Variants in PRELID2 observed in about 807,000 individuals in gnomAD.
PRELID2 encodes PRELI domain-containing protein 2.
Under a neutral mutation model 28.4 loss-of-function variants are expected in PRELID2, and 25 were observed. The observed-to-expected ratio is 0.88, with a 90% confidence interval of 0.64 to 1.23. The LOEUF is 1.23. PRELID2 is among the 50% of genes most tolerant of loss of function. The probability of loss-of-function intolerance (pLI) is 0.00; values close to 1 mark genes in which losing one functional copy is unlikely to be tolerated. For missense variants in PRELID2, 201 were observed against 214.4 expected (o/e 0.94, Z 0.39); for synonymous variants, 76 against 71.6 (o/e 1.06, Z -0.31).
intron 1 of PRELID2, among the ~76,000 whole-genome samples, chr5:145,649,504 A>T (rs759143830): frequency 1.3e-5 from 2 of 152,148 alleles, no homozygotes; most frequent in Non-Finnish European, 2.9e-5. Flanking sequence ...ACCCATTTTT[A>T]ATTTATGATA....
chr5:145,302,372 A>G, the PRELID2 span, among the ~76,000 whole-genome samples: 1 of 151,908 alleles, frequency 6.6e-6, no homozygotes, highest in African/African-American at 2.4e-5. Context: ...TCCTGACCTC[A>G]AGTGATCTGC....
chr5:145,686,795 T>A (rs1483335411), intron 1 of PRELID2, among the ~76,000 whole-genome samples: 1 of 152,178 alleles, frequency 6.6e-6, no homozygotes, highest in East Asian at 1.9e-4. Flanking sequence ...GGGTAAATTA[T>A]AGATTAGCTG....
the PRELID2 span, among the ~76,000 whole-genome samples, chr5:145,358,406 G>T: frequency 3.9e-5 from 6 of 151,976 alleles, no homozygotes; most frequent in Non-Finnish European, 7.4e-5. Flanking sequence ...TGCCAGCAGT[G>T]GGGGTGGCTG....
At chr5:145,621,669 G>A (rs1366754919) in intron 1 of PRELID2, among the ~76,000 whole-genome samples, 1 of 152,156 alleles carries the variant, frequency 6.6e-6, no homozygotes, top group Non-Finnish European at 1.5e-5. Flanking sequence ...CAGTAGAATT[G>A]TAGCTATTAG....
chr5:145,508,979 T>G (rs1752438686), intron 1 of PRELID2, among the ~76,000 whole-genome samples: 1 of 152,198 alleles, frequency 6.6e-6, no homozygotes, highest in African/African-American at 2.4e-5. Flanking sequence ...GAGTCCAAAT[T>G]CATAATCATA....
the PRELID2 span, among the ~76,000 whole-genome samples, chr5:145,327,785 AATT>A: frequency 6.6e-6 from 1 of 151,872 alleles, no homozygotes; most frequent in Non-Finnish European, 1.5e-5. Context: ...GGTTTTAAAA[AATT>A]ATTATTTTTT....
the PRELID2 span, among the ~76,000 whole-genome samples, chr5:145,284,111 G>A: frequency 6.6e-6 from 1 of 152,086 alleles, no homozygotes; most frequent in Non-Finnish European, 1.5e-5. Flanking sequence ...ATAAAATGGG[G>A]ATAATAATAA....
the PRELID2 span, among the ~76,000 whole-genome samples, chr5:145,232,007 C>T: frequency 9.2e-5 from 14 of 152,022 alleles, no homozygotes; most frequent in Admixed American, 7.9e-4. Flanking sequence ...CTTGCACACA[C>T]GCTCACTCAT....
chr5:145,425,939 C>T, the PRELID2 span, among the ~76,000 whole-genome samples: 5 of 152,150 alleles, frequency 3.3e-5, no homozygotes, highest in African/African-American at 1.2e-4. Flanking sequence ...GAGGTAGAAA[C>T]ACAAGGCACC....
intron 1 of PRELID2, among the ~76,000 whole-genome samples, chr5:145,710,900 G>C (rs1185345979): frequency 6.6e-6 from 1 of 152,242 alleles, no homozygotes; most frequent in Non-Finnish European, 1.5e-5. Flanking sequence ...TTGAGGAACA[G>C]AGAATTTATT....
intron 1 of PRELID2, among the ~76,000 whole-genome samples, chr5:145,579,292 A>G (rs1240714464): frequency 6.6e-6 from 1 of 152,136 alleles, no homozygotes; most frequent in African/African-American, 2.4e-5. Flanking sequence ...ATTCATACAT[A>G]TAATTCTTGT....
chr5:145,420,442 C>T, the PRELID2 span, among the ~76,000 whole-genome samples: 1 of 149,972 alleles, frequency 6.7e-6, no homozygotes, highest in African/African-American at 2.4e-5. Context: ...TGAAGAGGTC[C>T]TTCACATCCC....
the PRELID2 span, among the ~76,000 whole-genome samples, chr5:145,365,144 T>G: frequency 6.6e-6 from 1 of 151,878 alleles, no homozygotes; most frequent in African/African-American, 2.4e-5. Flanking sequence ...GAGATGTTGA[T>G]CAAAGGGTAC....
chr5:145,514,802 A>T (rs1014584927), intron 1 of PRELID2, among the ~76,000 whole-genome samples: 1 of 152,184 alleles, frequency 6.6e-6, no homozygotes, highest in African/African-American at 2.4e-5. Flanking sequence ...AATCATAACA[A>T]ACAGTCTTAG....
chr5:145,711,960 C>A (rs1388663201), intron 1 of PRELID2, among the ~76,000 whole-genome samples: 3 of 152,152 alleles, frequency 2.0e-5, no homozygotes, highest in Non-Finnish European at 4.4e-5. Flanking sequence ...AGCTGCACTA[C>A]AAAACACAAA....
chr5:145,474,944 T>G (rs1431762045), intron 1 of PRELID2, among the ~76,000 whole-genome samples: 2 of 152,160 alleles, frequency 1.3e-5, no homozygotes, highest in African/African-American at 4.8e-5. Flanking sequence ...ACCATGCATA[T>G]TAAATGAACT....
chr5:145,375,418 G>A, the PRELID2 span, among the ~76,000 whole-genome samples: 2 of 152,136 alleles, frequency 1.3e-5, no homozygotes, highest in Non-Finnish European at 2.9e-5. Flanking sequence ...TGTATAGGGT[G>A]TCTGACAATC....
chr5:145,649,762 A>C (rs947949599), intron 1 of PRELID2, among the ~76,000 whole-genome samples: 3 of 152,128 alleles, frequency 2.0e-5, no homozygotes, highest in East Asian at 3.9e-4. Flanking sequence ...CATAGTTTCC[A>C]ATTTTCCATC....
chr5:145,489,874 A>AT (rs1752251477), intron 1 of PRELID2, among the ~76,000 whole-genome samples: 1 of 152,070 alleles, frequency 6.6e-6, no homozygotes, highest in Admixed American at 6.6e-5. Flanking sequence ...ACATACATTT[A>AT]TTTTTTCCAA....
Sources: allele counts gnomAD v4.1 joint callset (sites outside exome capture counted in the v4.1 genomes callset), GRCh38; gene constraint gnomAD v4.1.1; transcripts MANE v1.5; gene names NCBI Gene and HGNC (gene_info 2026-07-23, HGNC 2026-07-21).